INVS: variants seen among roughly 807,000 people sequenced by gnomAD.
INVS encodes inversin, also known as inversion of embryo turning homolog.
A neutral mutation model predicts 108.8 loss-of-function variants in INVS; 86 were observed. The observed-to-expected ratio is 0.79, with a 90% CI of 0.66 to 0.95. INVS has a LOEUF of 0.95. Among genes scored for constraint, INVS ranks in the 40% least tolerant of loss-of-function variants. The probability of loss-of-function intolerance (pLI) is 0.00; values close to 1 mark genes in which losing one functional copy is unlikely to be tolerated. For missense variants in INVS, 1,169 were observed against 1,297.4 expected, an observed-to-expected ratio of 0.90 and a Z score of 1.52; for synonymous variants, 455 against 473.5, an observed-to-expected ratio of 0.96 and a Z score of 0.51.
chr9:100,190,368 C>T (rs1458233140), intron 3 of INVS, among the ~76,000 whole-genome samples: 3 of 152,038 alleles, frequency 2.0e-5, no homozygotes, highest in East Asian at 1.9e-4. Flanking sequence ...TTACATTTAA[C>T]GTTAATATTG....
chr9:100,230,067 C>T (rs1033181711), intron 5 of INVS, among the ~76,000 whole-genome samples: 2 of 152,098 alleles, frequency 1.3e-5, no homozygotes, highest in Non-Finnish European at 2.9e-5. Context: ...CGTGCTCATT[C>T]CTGTACCCCA....
At chr9:100,148,810 C>T (rs1485585419) in intron 3 of INVS, among the ~76,000 whole-genome samples, 1 of 152,126 alleles carries the variant, frequency 6.6e-6, no homozygotes, top group Non-Finnish European at 1.5e-5. Context: ...AACACATGTA[C>T]ATTCCATCCA....
At chr9:100,176,428 T>C (rs969718334) in intron 3 of INVS, among the ~76,000 whole-genome samples, 1 of 152,202 alleles carries the variant, frequency 6.6e-6, no homozygotes, top group African/African-American at 2.4e-5. Flanking sequence ...ATTGATGTGG[T>C]GAAGGTATAG....
intron 5 of INVS, among the ~76,000 whole-genome samples, chr9:100,237,272 A>G (rs1418578633): frequency 1.3e-5 from 2 of 152,146 alleles, no homozygotes; most frequent in African/African-American, 4.8e-5. Context: ...ATTTCAAGCT[A>G]GTGGATCTTA....
intron 4 of INVS, 25 bp from the exon 5 acceptor site, chr9:100,229,635 T>C (rs1315950656): frequency 6.2e-7 from 1 of 1,611,374 alleles, no homozygotes; most frequent in African/African-American, 1.3e-5. Flanking sequence ...ACTGTTGTTA[T>C]TTCGAGAACC....
At chr9:100,150,556 A>T (rs1291177211) in intron 3 of INVS, among the ~76,000 whole-genome samples, 1 of 152,150 alleles carries the variant, frequency 6.6e-6, no homozygotes, top group East Asian at 1.9e-4. Flanking sequence ...ATTTACTTTC[A>T]TTTAACCGTT....
intron 3 of INVS, among the ~76,000 whole-genome samples, chr9:100,211,256 A>G (rs1393346779): frequency 6.6e-6 from 1 of 152,244 alleles, no homozygotes; most frequent in African/African-American, 2.4e-5. Flanking sequence ...CACTCTAAAT[A>G]AATCAGAGTA....
chr9:100,206,456 T>C (rs2118267173), intron 3 of INVS, among the ~76,000 whole-genome samples: 1 of 152,268 alleles, frequency 6.6e-6, no homozygotes, highest in East Asian at 1.9e-4. Flanking sequence ...ACTCTCAAAT[T>C]CCTCAAATGT....
At chr9:100,194,960 A>C (rs1040601552) in intron 3 of INVS, among the ~76,000 whole-genome samples, 8 of 152,160 alleles carry the variant, frequency 5.3e-5, no homozygotes, top group African/African-American at 1.4e-4. Flanking sequence ...CTGGAATGTG[A>C]GACCCACTGA....
intron 3 of INVS, among the ~76,000 whole-genome samples, chr9:100,177,141 T>C (rs1268068223): frequency 2.0e-5 from 3 of 152,106 alleles, no homozygotes; most frequent in Non-Finnish European, 1.5e-5. Flanking sequence ...GATCAGGAGA[T>C]TCCCTTGGGT....
chr9:100,148,448 A>C (rs1270703265), intron 3 of INVS, among the ~76,000 whole-genome samples: 1 of 152,220 alleles, frequency 6.6e-6, no homozygotes, highest in Admixed American at 6.5e-5. Flanking sequence ...TGTTTGAGCA[A>C]GACTGGGAAA....
chr9:100,157,622 T>A (rs1322936658), intron 3 of INVS, among the ~76,000 whole-genome samples: 1 of 152,254 alleles, frequency 6.6e-6, no homozygotes, highest in East Asian at 1.9e-4. Flanking sequence ...GTTTAAATTA[T>A]AGGAAAACAT....
At chr9:100,188,887 T>G (rs1364124357) in intron 3 of INVS, among the ~76,000 whole-genome samples, 1 of 151,988 alleles carries the variant, frequency 6.6e-6, no homozygotes, top group Admixed American at 6.6e-5. Context: ...TGTTATTGGT[T>G]TGTTCAGGAT....
At chr9:100,182,607 C>T (rs564168002) in intron 3 of INVS, among the ~76,000 whole-genome samples, 13 of 152,090 alleles carry the variant, frequency 8.5e-5, no homozygotes, top group South Asian at 4.2e-4. Flanking sequence ...GTTAGAATGG[C>T]GATCATTAAA....
chr9:100,205,042 G>C (rs951560764), intron 3 of INVS, among the ~76,000 whole-genome samples: 1 of 152,090 alleles, frequency 6.6e-6, no homozygotes, highest in Non-Finnish European at 1.5e-5. Flanking sequence ...CAATAGGAAA[G>C]GGATGTGGGG....
chr9:100,114,135 C>T (rs1330369871), intron 2 of INVS, among the ~76,000 whole-genome samples: 1 of 151,952 alleles, frequency 6.6e-6, no homozygotes, highest in Non-Finnish European at 1.5e-5. Flanking sequence ...TAAATTTCAC[C>T]CTTGTTCGTA....
intron 3 of INVS, among the ~76,000 whole-genome samples, chr9:100,194,012 G>T (rs1830301687): frequency 6.6e-6 from 1 of 152,120 alleles, no homozygotes; most frequent in African/African-American, 2.4e-5. Flanking sequence ...TCTGTTTTGG[G>T]CTATTACTAA....
At chr9:100,103,403 G>C (rs956193461) in intron 1 of INVS, among the ~76,000 whole-genome samples, 4 of 151,454 alleles carry the variant, frequency 2.6e-5, no homozygotes, top group African/African-American at 9.7e-5. Context: ...AAGGTGGGCA[G>C]ATCACTTGAG....
At chr9:100,173,687 T>C (rs10988992) in intron 3 of INVS, among the ~76,000 whole-genome samples, 32,019 of 152,096 alleles carry the variant, frequency 0.21, 5,736 homozygotes, top group African/African-American at 0.49. Context: ...CAAGATCATG[T>C]CCTTGCACTC....
Sources: allele counts gnomAD v4.1 joint callset (sites outside exome capture counted in the v4.1 genomes callset), GRCh38; gene constraint gnomAD v4.1.1; transcripts MANE v1.5; gene names NCBI Gene and HGNC (gene_info 2026-07-23, HGNC 2026-07-21).